The following RUNDC3B variants were observed in gnomAD, a reference collection of about 807,000 sequenced individuals.
The protein encoded by RUNDC3B is RUN domain-containing protein 3B.
Under a neutral mutation model 58.4 loss-of-function variants are expected in RUNDC3B, and 33 were observed. The ratio of observed to expected loss-of-function variants is 0.56; its 90% CI spans 0.43 to 0.75. The LOEUF (loss-of-function observed/expected upper bound fraction) is 0.75. Ranked by LOEUF, RUNDC3B falls within the 30% of genes least tolerant of loss-of-function variation. RUNDC3B has a pLI of 0.00. For missense variants in RUNDC3B, 501 were observed against 535.7 expected, an observed-to-expected ratio of 0.94 and a Z score of 0.64; for synonymous variants, 193 against 195.2, an observed-to-expected ratio of 0.99 and a Z score of 0.10.
chr7:87,775,420 G>A (rs940278608), intron 7 of RUNDC3B, among the ~76,000 whole-genome samples: 1 of 152,150 alleles, frequency 6.6e-6, no homozygotes, highest in African/African-American at 2.4e-5. Context: ...TTACAAAAGA[G>A]TCAAAAAGAT....
At chr7:87,773,498 T>C (rs1210468940) in intron 7 of RUNDC3B, among the ~76,000 whole-genome samples, 1 of 152,166 alleles carries the variant, frequency 6.6e-6, no homozygotes, top group Non-Finnish European at 1.5e-5. Flanking sequence ...CAGAGTAATT[T>C]ATAGATTGAA....
At chr7:87,669,265 G>A (rs921559799) in intron 2 of RUNDC3B, among the ~76,000 whole-genome samples, 1 of 151,832 alleles carries the variant, frequency 6.6e-6, no homozygotes, top group Non-Finnish European at 1.5e-5. Context: ...TTGTTTATTT[G>A]AAATCTCTTT....
In RUNDC3B at chr7:87,770,599, T is replaced by C. The variant is rs903527430; in HGVS notation, c.648T>C (p.Ser216=). 1.2e-6 allele frequency: 2 copies of C among 1,613,368 alleles called. No individual in the cohort carries two copies. Among genetic ancestry groups the C allele is most frequent in the African/African-American group, 2.7e-5 (2 of 74,874 alleles). ...KYIQSSDSIS[S]DEEELRTLGS... ...TTCCCAGTTCTGATAGTATCAGCAG[T>C]GATGAGGAGGAGCTAAGGACTTTGG... The change falls in exon 7 of 11, where the codon AGT becomes AGC. Residue 216 remains serine, a synonymous_variant. Transcript: ENST00000394654.
rs1832641252 is a variant in RUNDC3B at position 87,746,360 on chromosome 7, C to CT, written c.629+4784dup. The stretch of plus-strand genomic sequence containing the variant: ...TTTAAATCCATTGTTTCTTTGTTGA[C>CT]TTTCTGTCTTGATGACCTCTCTAGT... On this transcript the variant is annotated intron_variant, in intron 6 of 10. Transcript: ENST00000394654. Among the ~76,000 whole-genome samples, 3 of 152,238 alleles carry CT rather than the reference C, an allele frequency of 2.0e-5. No individual in the cohort carries two copies. In the South Asian group the frequency reaches 6.2e-4, roughly 32 times the overall value.
chr7:87,769,253 C>T (rs566618061), intron 6 of RUNDC3B, among the ~76,000 whole-genome samples: 9 of 152,072 alleles, frequency 5.9e-5, no homozygotes, highest in Admixed American at 2.6e-4. Context: ...TCAAGTGATC[C>T]GCCCACCTTG....
intron 2 of RUNDC3B, chr7:87,659,173 C>A: frequency 2.4e-6 from 1 of 415,804 alleles, no homozygotes; most frequent in East Asian, 8.3e-5. Flanking sequence ...AAACAAACAA[C>A]AACAACAAAA....
chr7:87,772,324 A>G (rs1834328714), intron 7 of RUNDC3B, among the ~76,000 whole-genome samples: 1 of 152,196 alleles, frequency 6.6e-6, no homozygotes, highest in Admixed American at 6.5e-5. Flanking sequence ...CACTGAGAGT[A>G]TGAAAGCAGA....
At chr7:87,703,911 TTGG>T (rs1829338379) in intron 3 of RUNDC3B, among the ~76,000 whole-genome samples, 1 of 90,140 alleles carries the variant, frequency 1.1e-5, no homozygotes, top group Non-Finnish European at 2.2e-5. Context: ...TTTTTTTTTT[TTGG>T]TTTTTTTTTT....
intron 8 of RUNDC3B, among the ~76,000 whole-genome samples, chr7:87,781,934 C>A (rs1834945556): frequency 1.3e-5 from 2 of 151,862 alleles, no homozygotes; most frequent in Admixed American, 6.6e-5. Flanking sequence ...GGATACTGGC[C>A]TATAGTTTTC....
At chr7:87,674,870 AC>A (rs1029421440) in intron 2 of RUNDC3B, among the ~76,000 whole-genome samples, 4 of 152,056 alleles carry the variant, frequency 2.6e-5, no homozygotes, top group Non-Finnish European at 1.5e-5. Flanking sequence ...TCTGACGGTC[AC>A]CCTAAGGCTA....
At chr7:87,635,954 T>C (rs1358646999) in intron 1 of RUNDC3B, among the ~76,000 whole-genome samples, 1 of 152,254 alleles carries the variant, frequency 6.6e-6, no homozygotes, top group African/African-American at 2.4e-5. Flanking sequence ...CTGTATCTTA[T>C]TCCATTGGAT....
chr7:87,797,229 C>T (rs898148343), intron 8 of RUNDC3B, among the ~76,000 whole-genome samples: 4 of 152,024 alleles, frequency 2.6e-5, no homozygotes, highest in African/African-American at 9.7e-5. Flanking sequence ...TAAATAAGTA[C>T]ATTATTAAAA....
chr7:87,750,482 T>C (rs1832906070), intron 6 of RUNDC3B, among the ~76,000 whole-genome samples: 1 of 151,884 alleles, frequency 6.6e-6, no homozygotes, highest in Non-Finnish European at 1.5e-5. Flanking sequence ...TGAACTAGTT[T>C]ACAGTCCCAC....
chr7:87,733,098 C>T (rs569882758), intron 4 of RUNDC3B, among the ~76,000 whole-genome samples: 5 of 152,158 alleles, frequency 3.3e-5, no homozygotes, highest in South Asian at 2.1e-4. Context: ...AAGATGAGGA[C>T]GTTTATAGCC....
At chr7:87,708,245 C>G (rs1009090788) in intron 3 of RUNDC3B, among the ~76,000 whole-genome samples, 2 of 151,902 alleles carry the variant, frequency 1.3e-5, no homozygotes, top group African/African-American at 4.8e-5. Context: ...AAGCTTCTAG[C>G]AAGACTATTC....
intron 1 of RUNDC3B, among the ~76,000 whole-genome samples, chr7:87,649,499 G>A (rs1035342418): frequency 6.6e-6 from 1 of 152,120 alleles, no homozygotes. Flanking sequence ...CAAATAAAAT[G>A]TTTGTTTGTG....
At chr7:87,808,241 CT>C (rs1836540793) in intron 9 of RUNDC3B, among the ~76,000 whole-genome samples, 1 of 151,658 alleles carries the variant, frequency 6.6e-6, no homozygotes, top group Non-Finnish European at 1.5e-5. Context: ...TCCCTTCCCC[CT>C]CTTTCTCTCT....
intron 1 of RUNDC3B, among the ~76,000 whole-genome samples, chr7:87,635,267 G>GTA (rs1448103148): frequency 6.6e-6 from 1 of 152,158 alleles, no homozygotes; most frequent in Non-Finnish European, 1.5e-5. Context: ...TTACCCAGTT[G>GTA]TATATTGGAA....
intron 10 of RUNDC3B, among the ~76,000 whole-genome samples, chr7:87,819,673 C>T (rs1001363742): frequency 9.2e-5 from 14 of 152,012 alleles, no homozygotes; most frequent in African/African-American, 2.2e-4. Context: ...AGAACAGAAA[C>T]TACAACAAAC....
Sources: allele counts gnomAD v4.1 joint callset (sites outside exome capture counted in the v4.1 genomes callset), GRCh38; gene constraint gnomAD v4.1.1; transcripts MANE v1.5; gene names NCBI Gene and HGNC (gene_info 2026-07-23, HGNC 2026-07-21).